Variants in AXDND1 observed in about 807,000 individuals in gnomAD.
The protein encoded by AXDND1 is axonemal dynein light chain domain-containing protein 1.
In AXDND1, 110 loss-of-function variants were observed where a neutral mutation model predicts 137.5. The observed-to-expected ratio is 0.80, with a 90% CI of 0.69 to 0.94. AXDND1 has a LOEUF of 0.94. Among genes scored for constraint, AXDND1 ranks in the 40% least tolerant of loss-of-function variants. AXDND1 has a pLI of 0.00. For synonymous variants in AXDND1, 414 were observed against 399.7 expected (o/e 1.04, Z -0.43); for missense variants, 1,191 against 1,169.8 (o/e 1.02, Z -0.26).
intron 16 of AXDND1, among the ~76,000 whole-genome samples, chr1:179,465,460 T>C (rs900118975): frequency 2.6e-5 from 4 of 152,238 alleles, no homozygotes; most frequent in Non-Finnish European, 5.9e-5. Flanking sequence ...GGCAAATGTT[T>C]CTGCCTGATC....
intron 16 of AXDND1, chr1:179,451,499 C>T (rs1270472898): frequency 6.6e-6 from 1 of 152,094 alleles, no homozygotes; most frequent in Non-Finnish European, 1.5e-5. Context: ...TTTCAAAGAA[C>T]CAGCTTTTGG....
At chr1:179,422,677 G>A (rs1003580120) in intron 12 of AXDND1, among the ~76,000 whole-genome samples, 5 of 152,068 alleles carry the variant, frequency 3.3e-5, no homozygotes, top group South Asian at 4.2e-4. Context: ...GTTTAACTCC[G>A]TTTTTTGTTG....
At chr1:179,436,893 T>A (rs576744643) in intron 15 of AXDND1, among the ~76,000 whole-genome samples, 15 of 151,870 alleles carry the variant, frequency 9.9e-5, no homozygotes, top group African/African-American at 3.6e-4. Context: ...AAAAGCTCGG[T>A]AGATATCAGC....
rs1335927101 is a variant in AXDND1, at chr1:179,393,988, C to A, written c.949C>A (p.Gln317Lys). 3.1e-6 allele frequency: 5 copies of A among 1,610,528 alleles called. No individual in the cohort carries two copies. Among genetic ancestry groups the A allele is most frequent in the Non-Finnish European group, 4.2e-6 (5 of 1,178,780 alleles). ...CTTGGTAACTCAGCGAGTGATGGAC[C>A]AGCGCATTTTAGAAGAATTGTATAA... The part of the protein sequence containing the change: ...KDLVTQRVMD[Q>K]RILEELYNFK... The change falls in exon 10 of 26, where the codon CAG (glutamine) becomes AAG (lysine). Residue 317 changes from glutamine (Q) to lysine (K), a missense_variant. By Grantham distance (53) the Gln-to-Lys change is moderately conservative (BLOSUM62 1). Coordinates refer to ENST00000367618, the MANE Select transcript of AXDND1 (RefSeq NM_144696.6).
chr1:179,422,044 A>AG (rs1553266573), intron 12 of AXDND1, among the ~76,000 whole-genome samples: 1 of 85,740 alleles, frequency 1.2e-5, no homozygotes. Flanking sequence ...CCATCTCAAA[A>AG]GAAAAAAAAA....
At position 179,372,335 on chromosome 1, in the gene AXDND1, G is replaced by A. The variant is rs60083132; in HGVS notation, c.374+2257G>A. On this transcript the variant is annotated intron_variant, in intron 4 of 25. Coordinates refer to ENST00000367618, the MANE Select transcript of AXDND1 (RefSeq NM_144696.6). The stretch of plus-strand genomic sequence containing the variant: ...TGGGTATTTACAAAATTGTTGGAAG[G>A]GCTAAAGGAGCTGGTATGAGGAAGT... Among the ~76,000 whole-genome samples, 794 of 152,278 alleles carry A rather than the reference G, an allele frequency of 5.2e-3. 8 individuals are homozygous for A. Among genetic ancestry groups the A allele is most frequent in the African/African-American group, 0.018 (763 of 41,552 alleles).
At chr1:179,482,789 T>C (rs1020445072) in intron 17 of AXDND1, among the ~76,000 whole-genome samples, 1 of 151,840 alleles carries the variant, frequency 6.6e-6, no homozygotes, top group Non-Finnish European at 1.5e-5. Context: ...AAGTCATTCA[T>C]TGAGAGGATT....
At chr1:179,399,689 C>G (rs190561227) in intron 11 of AXDND1, among the ~76,000 whole-genome samples, 1 of 152,292 alleles carries the variant, frequency 6.6e-6, no homozygotes, top group Admixed American at 6.5e-5. Context: ...TGACAAAGGA[C>G]TAATATCCAG....
At chr1:179,405,774 T>G (rs1312147805) in intron 11 of AXDND1, among the ~76,000 whole-genome samples, 1 of 152,048 alleles carries the variant, frequency 6.6e-6, no homozygotes, top group Non-Finnish European at 1.5e-5. Context: ...TCTTGGGTAG[T>G]CTAGCTAGAA....
chr1:179,442,960 C>G (rs375196666), intron 15 of AXDND1, among the ~76,000 whole-genome samples: 7 of 152,072 alleles, frequency 4.6e-5, no homozygotes, highest in African/African-American at 1.7e-4. Flanking sequence ...ACACAGCGCT[C>G]CATATGTATT....
At position 179,509,294 on chromosome 1, in the gene AXDND1, A is replaced by G. The variant is rs760361078; in HGVS notation, c.2389-2A>G. 1 of 1,594,108 alleles carries G rather than the reference A, an allele frequency of 6.3e-7. No individual in the cohort carries two copies. Among genetic ancestry groups the G allele is most frequent in the East Asian group, 2.2e-5 (1 of 44,736 alleles). On this transcript the variant is annotated splice_acceptor_variant, in intron 20 of 25. Coordinates refer to ENST00000367618, the MANE Select transcript of AXDND1 (RefSeq NM_144696.6). LOFTEE classifies it high-confidence loss of function. The stretch of plus-strand genomic sequence containing the variant: ...TGCTTGTAATCTTTTATCTCTTCTC[A>G]GAAAGAATGTTATGAATGGATCAAC...
chr1:179,483,207 G>A lies in AXDND1; in HGVS notation c.2077G>A (p.Glu693Lys), dbSNP rs1665635803. 1 of 1,608,126 alleles carries A rather than the reference G, an allele frequency of 6.2e-7. No homozygotes were observed. Among genetic ancestry groups the A allele is most frequent in the South Asian group, 1.1e-5 (1 of 90,118 alleles). The change falls in exon 18 of 26, where the codon GAA (glutamate) becomes AAA (lysine). Residue 693 changes from glutamate (E) to lysine (K), a missense_variant. By Grantham distance (56) the Glu-to-Lys change is moderately conservative. Coordinates refer to ENST00000367618, the MANE Select transcript of AXDND1 (RefSeq NM_144696.6). ...IGNEINNGNI[E>K]LQHHMDELHI... ...CAATGAAATTAACAACGGTAACATT[G>A]AACTTCAGCACCACGTATGTACTTG...
At chr1:179,430,867 CTT>C (rs1054382494) in intron 14 of AXDND1, among the ~76,000 whole-genome samples, 6 of 152,284 alleles carry the variant, frequency 3.9e-5, no homozygotes, top group African/African-American at 1.2e-4. Context: ...TCTTTTCTCT[CTT>C]TTTGAAATAA....
At chr1:179,485,186 A>T (rs1665890890) in intron 18 of AXDND1, among the ~76,000 whole-genome samples, 2 of 152,206 alleles carry the variant, frequency 1.3e-5, no homozygotes, top group Admixed American at 1.3e-4. Flanking sequence ...ACAGCTGATG[A>T]GCACGCACCC....
At chr1:179,543,811 T>G (rs1672391502) in intron 25 of AXDND1, 1 of 152,390 alleles carries the variant, frequency 6.6e-6, no homozygotes, top group African/African-American at 2.4e-5. Flanking sequence ...TTGTGGCACA[T>G]AGCTTATTTG....
intron 11 of AXDND1, among the ~76,000 whole-genome samples, chr1:179,399,560 A>T (rs768551323): frequency 1.3e-5 from 2 of 152,232 alleles, no homozygotes; most frequent in African/African-American, 2.4e-5. Flanking sequence ...AGCAATAAAA[A>T]CAAAGATATA....
At chr1:179,499,357 A>G (rs1053485426) in intron 20 of AXDND1, among the ~76,000 whole-genome samples, 1 of 32,600 alleles carries the variant, frequency 3.1e-5, no homozygotes, top group South Asian at 9.2e-4. Flanking sequence ...AAAAGACCAC[A>G]TATTTATTCA....
At chr1:179,493,317 A>T (rs960705293) in intron 20 of AXDND1, among the ~76,000 whole-genome samples, 7 of 152,172 alleles carry the variant, frequency 4.6e-5, no homozygotes, top group African/African-American at 1.7e-4. Context: ...AGATTCACAC[A>T]TATTGTTGCT....
intron 11 of AXDND1, among the ~76,000 whole-genome samples, chr1:179,405,634 A>G (rs1652841087): frequency 6.6e-6 from 1 of 152,004 alleles, no homozygotes; most frequent in Non-Finnish European, 1.5e-5. Context: ...GAGTATATCT[A>G]GTTTCTTCTA....
Sources: gnomAD v4.1 joint callset for allele counts (sites outside exome capture counted in the v4.1 genomes callset) on GRCh38, gnomAD v4.1.1 for gene constraint, MANE v1.5 for transcripts, NCBI Gene and HGNC (gene_info 2026-07-23, HGNC 2026-07-21) for gene names.